TBC1D16: variants seen among roughly 807,000 people sequenced by gnomAD.
TBC1D16 encodes the protein TBC1 domain family member 16.
TBC1D16 carries 58 observed loss-of-function variants against 74.7 expected under a neutral mutation model. The observed-to-expected ratio is 0.78, with a 90% CI of 0.63 to 0.97. The LOEUF (loss-of-function observed/expected upper bound fraction) is 0.97. Ranked by LOEUF, TBC1D16 falls within the 50% of genes least tolerant of loss-of-function variation. The pLI is 0.00. For synonymous variants in TBC1D16, 493 were observed against 474.7 expected (o/e 1.04, Z -0.50); for missense variants, 1,014 against 1,079.5 (o/e 0.94, Z 0.85).
At chr17:79,992,156 G>A (rs1324872112) in intron 3 of TBC1D16, 1 of 152,372 alleles carries the variant, frequency 6.6e-6, no homozygotes, top group Non-Finnish European at 1.5e-5. Flanking sequence ...GGCACACAAT[G>A]CGTCCTTTCA....
chr17:79,956,410 C>T lies in TBC1D16; in HGVS notation c.780-3592G>A, dbSNP rs1405038114. ...CTGGGACTACAGGCACTCACCACCACATTTGGCTAATTTTTGTATTTTTTA... is the reference window on the plus strand; with the variant it reads ...CTGGGACTACAGGCACTCACCACCATATTTGGCTAATTTTTGTATTTTTTA... On this transcript the variant is annotated intron_variant, in intron 3 of 11. Transcript: ENST00000310924. The surrounding 1 kb of genome is among the most constrained non-coding windows in gnomAD (Gnocchi z 4.0). Among the ~76,000 whole-genome samples, 1 of 152,160 alleles carries T rather than the reference C, an allele frequency of 6.6e-6. No individual in the cohort carries two copies. Among genetic ancestry groups the T allele is most frequent in the Non-Finnish European group, 1.5e-5 (1 of 68,024 alleles).
In TBC1D16 at chr17:79,942,150, G is replaced by A. The variant is rs144060365; in HGVS notation, c.1965C>T (p.Asp655=). Residue 655 remains aspartate (D), a synonymous_variant, in exon 11 of 12, where the codon GAC becomes GAT. Transcript: ENST00000310924. ...CCGTGGCCAGCTGCTGCTCGATGAC[G>A]TCATCCCCGTAGATGGCCACGATGG... ...CVAIVAIYGD[D]VIEQQLATDQ... 2,818 of 1,610,084 alleles carry A rather than the reference G, an allele frequency of 1.8e-3. 9 individuals are homozygous for A. The highest frequency in any genetic ancestry group is 2.6e-3 in the Middle Eastern group (16 of 6,054).
intron 3 of TBC1D16, among the ~76,000 whole-genome samples, chr17:79,953,949 T>C (rs919513152): frequency 6.6e-6 from 1 of 152,068 alleles, no homozygotes; most frequent in African/African-American, 2.4e-5. Flanking sequence ...TCTATATATT[T>C]AGTAGAGACG....
In TBC1D16 at chr17:80,010,028, C is replaced by T; in HGVS notation, c.779+132G>A. ...GAGGGGCTCCTGCCACAGCCACGGCCACAGCCGCGGGCAGGTCGGGCAGAT... is the reference window on the plus strand; with the variant it reads ...GAGGGGCTCCTGCCACAGCCACGGCTACAGCCGCGGGCAGGTCGGGCAGAT... On this transcript the variant is annotated intron_variant, in intron 3 of 11. Coordinates refer to ENST00000310924, the MANE Select transcript of TBC1D16 (RefSeq NM_019020.4). The surrounding 1 kb of genome is among the most constrained non-coding windows in gnomAD (Gnocchi z 8.8). 1.3e-6 allele frequency: 1 copy of T among 786,624 alleles called. No homozygotes were observed. Among genetic ancestry groups the T allele is most frequent in the Non-Finnish European group, 2.0e-6 (1 of 504,914 alleles). 48.7% of individuals were successfully genotyped at this position (786,624 alleles called of 1,614,324 possible).
chr17:80,021,289 C>G (rs932340551), intron 1 of TBC1D16, among the ~76,000 whole-genome samples: 1 of 148,736 alleles, frequency 6.7e-6, no homozygotes, highest in Non-Finnish European at 1.5e-5. Context: ...GCCTGGGCAA[C>G]ATAACAAGAT....
In TBC1D16 at chr17:79,986,501, C is replaced by T. The variant is rs1205684315; in HGVS notation, c.779+23659G>A. On this transcript the variant is annotated intron_variant, in intron 3 of 11. Transcript: ENST00000310924. This position sits in a 1 kb window ranked among gnomAD's most constrained non-coding sequence, Gnocchi z 6.0. ...AGGGCCCCTCCCTGCAGAGCAACCA[C>T]GTGAGGACTCCCTACCCCAGGACCT... Among the ~76,000 whole-genome samples the T allele has an allele frequency of 3.9e-5, 6 of 152,180 alleles. No individual in the cohort carries two copies. In the East Asian group the frequency reaches 9.6e-4, roughly 24 times the overall value.
At chr17:79,968,912 T>C (rs564398899) in intron 3 of TBC1D16, among the ~76,000 whole-genome samples, 2 of 137,130 alleles carry the variant, frequency 1.5e-5, no homozygotes, top group South Asian at 4.8e-4. Flanking sequence ...TAGTTGCAAA[T>C]CATATATCTG....
Position 79,948,473 on chromosome 17 carries a change from G to C in TBC1D16, c.1541+399C>G, listed in dbSNP as rs145484557. 3.6e-3 allele frequency among the ~76,000 whole-genome samples: 541 copies of C among 152,278 alleles called. 1 individual carries two copies. Among genetic ancestry groups the C allele is most frequent in the Middle Eastern group, 0.01 (3 of 294 alleles). On this transcript the variant is annotated intron_variant, in intron 8 of 11. Coordinates refer to ENST00000310924, the MANE Select transcript of TBC1D16 (RefSeq NM_019020.4). ...GACATTTCTGTGGGCTGCTAATTTTGTGCAATTATTTGCTAGGCTGTAGCA... is the reference window on the plus strand; with the variant it reads ...GACATTTCTGTGGGCTGCTAATTTTCTGCAATTATTTGCTAGGCTGTAGCA...
intron 3 of TBC1D16, among the ~76,000 whole-genome samples, chr17:79,973,107 G>A (rs988453888): frequency 6.6e-6 from 1 of 152,180 alleles, no homozygotes; most frequent in African/African-American, 2.4e-5. Flanking sequence ...TAAATTTTAT[G>A]TTATAGTGGT....
rs1019355729 is a variant in TBC1D16 at position 79,945,107 on chromosome 17, G to A, written c.1729-20C>T. ...GTACAGCTGGGGGTGAGGCCGTCAC[G>A]CGTTAGTTAGCTCCGGTCCCATGCG... On this transcript the variant is annotated intron_variant, in intron 9 of 11. Transcript: ENST00000310924. The A allele has an allele frequency of 2.8e-5, 43 of 1,559,670 alleles. No homozygotes were observed. The highest frequency in any genetic ancestry group is 1.7e-4 in the Middle Eastern group (1 of 5,824).
chr17:79,959,613 G>A (rs2143872006), intron 3 of TBC1D16, among the ~76,000 whole-genome samples: 1 of 152,274 alleles, frequency 6.6e-6, no homozygotes, highest in South Asian at 2.1e-4. Context: ...CAATTCAGTG[G>A]AGAAAGGATG....
At chr17:79,949,645 T>C in intron 7 of TBC1D16, 72 bp downstream of exon 7, 1 of 1,546,696 alleles carries the variant, frequency 6.5e-7, no homozygotes, top group Non-Finnish European at 8.8e-7. Context: ...GAATTGCACC[T>C]CAAATTGCCT....
chr17:79,950,285 G>T lies in TBC1D16; in HGVS notation c.1257+126C>A. The T allele has an allele frequency of 9.6e-7, 1 of 1,045,232 alleles. No homozygotes were observed. The allele number at this position is 1,045,232 out of a possible 1,614,324, so 64.7% of individuals were successfully genotyped here. A position where few individuals can be genotyped will look rare whatever the true frequency, so the allele number is the denominator to read the frequency against. ...CAGAGAGCCTCACACAAGAAAACGG[G>T]GCCCTCACGAGGAGGTGGCCCGTGG... On this transcript the variant is annotated intron_variant, in intron 6 of 11. Coordinates refer to ENST00000310924, the MANE Select transcript of TBC1D16 (RefSeq NM_019020.4). This position sits in a 1 kb window ranked among gnomAD's most constrained non-coding sequence, Gnocchi z 4.6.
intron 3 of TBC1D16, among the ~76,000 whole-genome samples, chr17:79,969,108 C>T (rs368999044): frequency 7.8e-4 from 118 of 152,188 alleles, no homozygotes; most frequent in Middle Eastern, 3.4e-3. Flanking sequence ...AAATCAAGGC[C>T]GAGCGTGGTG....
rs772810073 is a variant in TBC1D16 at position 79,951,435 on chromosome 17, C to G, written c.1089+15G>C. On this transcript the variant is annotated intron_variant, in intron 5 of 11. Coordinates refer to ENST00000310924, the MANE Select transcript of TBC1D16 (RefSeq NM_019020.4). ...TGTCAACCGCTGGGCATTCTGGGGC[C>G]GTCTGCTGGGCTACCTGGTCTTTGA... The G allele has an allele frequency of 1.5e-5, 24 of 1,610,514 alleles. No individual in the cohort carries two copies. The highest frequency in any genetic ancestry group is 2.0e-5 in the Non-Finnish European group (24 of 1,178,086).
Position 79,949,869 on chromosome 17 carries a change from G to GAGGA in TBC1D16, c.1258-8_1258-5dup. 6.2e-7 allele frequency: 1 copy of GAGGA among 1,611,512 alleles called. No homozygotes were observed. Among genetic ancestry groups the GAGGA allele is most frequent in the Non-Finnish European group, 8.5e-7 (1 of 1,178,164 alleles). On this transcript the variant is annotated splice_polypyrimidine_tract_variant and splice_region_variant and intron_variant, in intron 6 of 11. Transcript: ENST00000310924. ...CAATACCGCCAAAGAAAATGGCCTGGAGGAAGCGGCAAAAGTTGGGGAGGG... is the reference window on the plus strand; with the variant it reads ...CAATACCGCCAAAGAAAATGGCCTGGAGGAAGGAAGCGGCAAAAGTTGGGGAGGG...
In TBC1D16 at chr17:80,021,858, ACACT is replaced by A. The variant is rs527593306; in HGVS notation, c.-62-8253_-62-8250del. Reference sequence around the variant, plus strand: ...CATACCATGACACACCCAGGCACACACACTATGACACACACACACCATGACACAC... The same window carrying A: ...CATACCATGACACACCCAGGCACACAATGACACACACACACCATGACACAC... On this transcript the variant is annotated intron_variant, in intron 1 of 11. Transcript: ENST00000310924. Among the ~76,000 whole-genome samples, 338 of 150,972 alleles carry A rather than the reference ACACT, an allele frequency of 2.2e-3. 39 individuals carry two copies. Among genetic ancestry groups the A allele is most frequent in the African/African-American group, 7.8e-3 (313 of 40,256 alleles).
rs2032354646 is a variant in TBC1D16, at chr17:79,944,698, G to T, written c.1908+210C>A. Among the ~76,000 whole-genome samples, 1 of 152,206 alleles carries T rather than the reference G, an allele frequency of 6.6e-6. No individual in the cohort carries two copies. Among genetic ancestry groups the T allele is most frequent in the African/African-American group, 2.4e-5 (1 of 41,442 alleles). ...AAAGTGGTAATGAGTGCAGTCAGCG[G>T]GCAATTTGCATCGATTTCAGTGACT... On this transcript the variant is annotated intron_variant, in intron 10 of 11. Transcript: ENST00000310924. The surrounding 1 kb of genome is among the most constrained non-coding windows in gnomAD (Gnocchi z 7.7).
rs542551310 is a variant in TBC1D16 at position 80,010,950 on chromosome 17, G to A, written c.182-193C>T. Among the ~76,000 whole-genome samples the A allele has an allele frequency of 3.9e-5, 6 of 152,302 alleles. No individual in the cohort carries two copies. Among genetic ancestry groups the A allele is most frequent in the East Asian group, 1.9e-4 (1 of 5,180 alleles). On this transcript the variant is annotated intron_variant, in intron 2 of 11. Transcript: ENST00000310924. The surrounding 1 kb of genome is among the most constrained non-coding windows in gnomAD (Gnocchi z 8.8). ...AGCTTGAAATGAATTCCAGCTATGCGTGTTTTTTAAGAACACACACTTCCG... is the reference window on the plus strand; with the variant it reads ...AGCTTGAAATGAATTCCAGCTATGCATGTTTTTTAAGAACACACACTTCCG...
Sources: allele counts gnomAD v4.1 joint callset (sites outside exome capture counted in the v4.1 genomes callset), GRCh38; gene constraint gnomAD v4.1.1; non-coding constraint Gnocchi (gnomAD v3.1); transcripts MANE v1.5; gene names NCBI Gene and HGNC (gene_info 2026-07-23, HGNC 2026-07-21).